The following CNTN5 variants were observed in gnomAD, a reference collection of about 807,000 sequenced individuals.
CNTN5 encodes the protein contactin 5.
CNTN5 carries 77 observed loss-of-function variants against 129.1 expected under a neutral mutation model. The ratio of observed to expected loss-of-function variants is 0.60; its 90% CI spans 0.50 to 0.72. The LOEUF is 0.72. Ranked by LOEUF, CNTN5 falls within the 30% of genes least tolerant of loss-of-function variation. The pLI is 0.00. For synonymous variants in CNTN5, 509 were observed against 465.6 expected, an observed-to-expected ratio of 1.09 and a Z score of -1.20; for missense variants, 1,478 against 1,328.8, an observed-to-expected ratio of 1.11 and a Z score of -1.75.
intron 9 of CNTN5, among the ~76,000 whole-genome samples, chr11:100,036,200 T>C (rs1284692810): frequency 3.4e-4 from 51 of 151,950 alleles, no homozygotes; most frequent in African/African-American, 7.5e-4. Context: ...AGCCAGTTTT[T>C]CCAGCACCAT....
rs571609612 is a variant in CNTN5 at position 100,018,002 on chromosome 11, G to T, written c.980+15866G>T. 1.3e-4 allele frequency among the ~76,000 whole-genome samples: 20 copies of T among 151,798 alleles called. No homozygotes were observed. In the East Asian group the frequency reaches 3.9e-3, roughly 29 times the overall value. ...GACTTTTGTTTGGGGGGGTAAAATG[G>T]GTATAATAGAAATAACAAATATTCT... On this transcript the variant is annotated intron_variant, in intron 9 of 24. Transcript: ENST00000524871.
At chr11:99,398,164 C>T (rs1474817297) in intron 2 of CNTN5, among the ~76,000 whole-genome samples, 1 of 151,798 alleles carries the variant, frequency 6.6e-6, no homozygotes, top group Non-Finnish European at 1.5e-5. Context: ...TTAGCCCACA[C>T]CCACTTTGGA....
At chr11:99,585,889 G>A (rs1320028504) in intron 3 of CNTN5, among the ~76,000 whole-genome samples, 2 of 152,090 alleles carry the variant, frequency 1.3e-5, no homozygotes, top group East Asian at 1.9e-4. Context: ...AATTTCCGTG[G>A]TGAAGCAGGT....
At chr11:99,382,875 T>TTTTTTTTTTTTTTTTTG (rs1491151565) in intron 2 of CNTN5, among the ~76,000 whole-genome samples, 1 of 142,464 alleles carries the variant, frequency 7.0e-6, no homozygotes, top group African/African-American at 2.6e-5. Context: ...TTTTTTTTTT[T>TTTTTTTTTTTTTTTTTG]AGACAGAGTC....
At chr11:100,169,266 A>G (rs1253684811) in intron 13 of CNTN5, among the ~76,000 whole-genome samples, 1 of 151,994 alleles carries the variant, frequency 6.6e-6, no homozygotes, top group Non-Finnish European at 1.5e-5. Context: ...GTGAAGTATG[A>G]ACCAACAGCA....
At chr11:99,269,561 T>A (rs1863076745) in intron 1 of CNTN5, among the ~76,000 whole-genome samples, 1 of 151,912 alleles carries the variant, frequency 6.6e-6, no homozygotes, top group Non-Finnish European at 1.5e-5. Context: ...CAAGTATTTT[T>A]TAAACCTGTT....
intron 3 of CNTN5, among the ~76,000 whole-genome samples, chr11:99,622,976 A>G (rs948508581): frequency 6.6e-6 from 1 of 152,142 alleles, no homozygotes; most frequent in Non-Finnish European, 1.5e-5. Flanking sequence ...CTCAATTAGA[A>G]TGACTCTACA....
intron 13 of CNTN5, among the ~76,000 whole-genome samples, chr11:100,093,867 C>T (rs981394800): frequency 1.3e-5 from 2 of 152,068 alleles, no homozygotes; most frequent in Non-Finnish European, 2.9e-5. Flanking sequence ...GCCTAAGTAA[C>T]TCTCATGAGC....
intron 6 of CNTN5, among the ~76,000 whole-genome samples, chr11:99,862,997 A>G (rs567624554): frequency 5.9e-5 from 9 of 152,120 alleles, no homozygotes; most frequent in Non-Finnish European, 1.3e-4. Flanking sequence ...ATAAATAGCA[A>G]TCTAGGTCAT....
chr11:100,099,265 G>A (rs1173345573), intron 13 of CNTN5, among the ~76,000 whole-genome samples: 1 of 151,938 alleles, frequency 6.6e-6, no homozygotes, highest in Non-Finnish European at 1.5e-5. Context: ...GTTTGCCCAG[G>A]ATTATGTCAG....
intron 1 of CNTN5, among the ~76,000 whole-genome samples, chr11:99,089,361 A>C (rs1431587581): frequency 1.3e-5 from 2 of 152,230 alleles, no homozygotes; most frequent in Non-Finnish European, 2.9e-5. Context: ...AATCATATAT[A>C]ACTATAAGCA....
At chr11:99,744,088 A>G (rs1425103899) in intron 3 of CNTN5, among the ~76,000 whole-genome samples, 1 of 152,148 alleles carries the variant, frequency 6.6e-6, no homozygotes, top group African/African-American at 2.4e-5. Flanking sequence ...GGGGGAAGAC[A>G]TATACTTCCA....
chr11:100,041,282 C>G (rs1591113028), intron 9 of CNTN5, among the ~76,000 whole-genome samples: 1 of 152,200 alleles, frequency 6.6e-6, no homozygotes, highest in Non-Finnish European at 1.5e-5. Flanking sequence ...TCTTGCCACA[C>G]TAGATTGGCT....
chr11:99,467,115 A>G (rs544550137), intron 2 of CNTN5, among the ~76,000 whole-genome samples: 3 of 152,296 alleles, frequency 2.0e-5, no homozygotes, highest in Admixed American at 2.0e-4. Context: ...CAGAATTTTG[A>G]AGATAATTTC....
rs150289207 is a variant in CNTN5 at position 99,114,855 on chromosome 11, T to C, written c.-210+93585T>C. 4.0e-3 allele frequency among the ~76,000 whole-genome samples: 604 copies of C among 152,280 alleles called. 4 individuals are homozygous for C. Among genetic ancestry groups the C allele is most frequent in the Non-Finnish European group, 6.5e-3 (439 of 68,018 alleles). On this transcript the variant is annotated intron_variant, in intron 1 of 24. Transcript: ENST00000524871. The stretch of plus-strand genomic sequence containing the variant: ...ACAATCCGTGTTATAGACTAAACAT[T>C]TGTATCTCCCTGAAACGTATATGTT...
At chr11:99,826,691 T>G (rs2135586891) in intron 4 of CNTN5, among the ~76,000 whole-genome samples, 1 of 152,294 alleles carries the variant, frequency 6.6e-6, no homozygotes, top group Middle Eastern at 3.4e-3. Flanking sequence ...AACTGCACGT[T>G]ATATATTATA....
intron 13 of CNTN5, among the ~76,000 whole-genome samples, chr11:100,113,027 G>A (rs1591267572): frequency 6.6e-6 from 1 of 152,034 alleles, no homozygotes; most frequent in East Asian, 1.9e-4. Flanking sequence ...CTAGTCATTA[G>A]AGTTAAACAT....
chr11:99,751,217 A>T (rs965449197), intron 3 of CNTN5, among the ~76,000 whole-genome samples: 12 of 152,082 alleles, frequency 7.9e-5, no homozygotes, highest in African/African-American at 2.4e-4. Flanking sequence ...GGTGCCTGCA[A>T]TCCTAGCTAC....
chr11:99,228,869 T>C (rs999537951), intron 1 of CNTN5, among the ~76,000 whole-genome samples: 1 of 152,028 alleles, frequency 6.6e-6, no homozygotes, highest in African/African-American at 2.4e-5. Flanking sequence ...ATGATGGCAT[T>C]TTGTGCTGTG....
Sources: allele counts gnomAD v4.1 joint callset (sites outside exome capture counted in the v4.1 genomes callset), GRCh38; gene constraint gnomAD v4.1.1; transcripts MANE v1.5; gene names NCBI Gene and HGNC (gene_info 2026-07-23, HGNC 2026-07-21).